Variants in BIRC6 observed in about 807,000 individuals in gnomAD.
BIRC6 encodes dual E2 ubiquitin-conjugating enzyme/E3 ubiquitin-protein ligase BIRC6.
In BIRC6, 98 loss-of-function variants were observed where a neutral mutation model predicts 503.3. The ratio of observed to expected loss-of-function variants is 0.19; its 90% confidence interval spans 0.17 to 0.23. The LOEUF (loss-of-function observed/expected upper bound fraction) is 0.23, where lower values mean the gene tolerates loss of function less well. Ranked by LOEUF, BIRC6 falls within the 10% of genes least tolerant of loss-of-function variation. The pLI, the probability that BIRC6 is intolerant of heterozygous loss-of-function variation, is 1.00. For missense variants in BIRC6, 5,360 were observed against 5,806.0 expected (o/e 0.92, Z 2.50); for synonymous variants, 2,240 against 2,078.7 (o/e 1.08, Z -2.11).
chr2:32,615,868 C>T (rs988572920), intron 73 of BIRC6, among the ~76,000 whole-genome samples: 5 of 152,078 alleles, frequency 3.3e-5, no homozygotes, highest in Non-Finnish European at 7.4e-5. Flanking sequence ...CTTTTGACCT[C>T]GTGATCTGCC....
intron 59 of BIRC6, chr2:32,527,262 T>A (rs2056352409): frequency 6.6e-6 from 1 of 152,362 alleles, no homozygotes; most frequent in Non-Finnish European, 1.5e-5. Flanking sequence ...GTGGCTTGTA[T>A]GTACTGCCCA....
intron 61 of BIRC6, 50 bp from the exon 62 acceptor site, chr2:32,543,185 TTGAATC>T (rs2057805618): frequency 2.6e-6 from 4 of 1,513,030 alleles, no homozygotes; most frequent in African/African-American, 1.4e-5. Flanking sequence ...AGTCTTTACT[TTGAATC>T]TGATGTTGAA....
At chr2:32,425,072 C>T (rs546341883) in intron 10 of BIRC6, among the ~76,000 whole-genome samples, 1 of 147,528 alleles carries the variant, frequency 6.8e-6, no homozygotes, top group East Asian at 2.0e-4. Context: ...GTAGAAATAT[C>T]TATTCATGTC....
At chr2:32,403,465 A>G (rs1045565221) in intron 8 of BIRC6, among the ~76,000 whole-genome samples, 1 of 152,198 alleles carries the variant, frequency 6.6e-6, no homozygotes, top group African/African-American at 2.4e-5. Flanking sequence ...ATTTTTTCTT[A>G]GAAGACTATA....
chr2:32,529,604 A>G, intron 59 of BIRC6, 47 bp from the exon 60 acceptor site: 2 of 1,424,416 alleles, frequency 1.4e-6, no homozygotes, highest in Non-Finnish European at 1.9e-6. Context: ...AACCAAGTAA[A>G]TGTTTCTTTC....
chr2:32,370,273 A>G (rs969996891), intron 1 of BIRC6, among the ~76,000 whole-genome samples: 1 of 151,092 alleles, frequency 6.6e-6, no homozygotes, highest in Non-Finnish European at 1.5e-5. Flanking sequence ...TGGTGATTAT[A>G]TTTTCAAAAC....
At chr2:32,359,934 A>G (rs1433132741) in intron 1 of BIRC6, among the ~76,000 whole-genome samples, 1 of 152,100 alleles carries the variant, frequency 6.6e-6, no homozygotes, top group Admixed American at 6.6e-5. Flanking sequence ...AGTTCAGATG[A>G]TTGAGGAGGG....
At chr2:32,397,853 A>C (rs1280719384) in intron 6 of BIRC6, among the ~76,000 whole-genome samples, 2 of 152,060 alleles carry the variant, frequency 1.3e-5, no homozygotes, top group Non-Finnish European at 2.9e-5. Flanking sequence ...AGTTGATTAA[A>C]ATTTCTAACT....
rs764506863 is a variant in BIRC6 at position 32,442,207 on chromosome 2, C to A, written c.4087C>A (p.His1363Asn). 7 of 1,606,598 alleles carry A rather than the reference C, an allele frequency of 4.4e-6. No homozygotes were observed. The highest frequency in any genetic ancestry group is 5.1e-6 in the Non-Finnish European group (6 of 1,177,262). Residue 1363 changes from histidine (H) to asparagine (N), a missense_variant, in exon 18 of 74, where the codon CAT becomes AAT. His to Asn is a moderately conservative substitution (Grantham distance 68). Around this residue, in one of 16 missense-constraint regions of BIRC6, gnomAD observed 2,299 missense variants for 2,267.2 expected, o/e 1.01. Transcript: ENST00000421745. ...TACTCTCTGTTGGTTAGCTGGAGTT[C>A]ATTCAAATGGACCCGGAAGGTTAAT... is the stretch of plus-strand genomic sequence containing the variant. The part of the protein sequence containing the change: ...LDTLCWLAGV[H>N]SNGPGSSKEG...
At position 32,415,413 on chromosome 2, in the gene BIRC6, T is replaced by C. The variant is rs570058415; in HGVS notation, c.2122T>C (p.Ser708Pro). The stretch of plus-strand genomic sequence containing the variant: ...CTCTCCGGATTCTGAGAAGTGGAAC[T>C]CTGTGTTTCCCAAGCCTGGGACTTT... The part of the protein sequence containing the change: ...LTSPDSEKWN[S>P]VFPKPGTLVQ... The change falls in exon 10 of 74, where the codon TCT becomes CCT. Residue 708 changes from serine (S) to proline (P), a missense_variant. Physicochemically the swap from Ser to Pro is moderately conservative, Grantham distance 74. This residue lies in a region of BIRC6 where 700 missense variants were observed against 739.3 expected (regional missense o/e 0.95). Transcript: ENST00000421745. The C allele has an allele frequency of 1.9e-6, 3 of 1,614,028 alleles. No homozygotes were observed. In the African/African-American group the frequency reaches 4.0e-5, roughly 22 times the overall value.
At chr2:32,542,903 G>T (rs2057778081) in intron 61 of BIRC6, among the ~76,000 whole-genome samples, 1 of 152,122 alleles carries the variant, frequency 6.6e-6, no homozygotes, top group East Asian at 1.9e-4. Flanking sequence ...GGGTTCAAGT[G>T]TTTCTCCTGC....
chr2:32,436,203 C>T lies in BIRC6; in HGVS notation c.3631+19C>T. On this transcript the variant is annotated intron_variant, in intron 15 of 73. Transcript: ENST00000421745. ...GTTAAAGGTGAAGTAATACATTTTA[C>T]AAAAGCAGAATTAATAATACCACAG... The T allele has an allele frequency of 7.3e-7, 1 of 1,375,352 alleles. No homozygotes were observed. Among genetic ancestry groups the T allele is most frequent in the Non-Finnish European group, 9.5e-7 (1 of 1,047,142 alleles). 85.2% of individuals were successfully genotyped at this position (1,375,352 alleles called of 1,614,324 possible). A position where few individuals can be genotyped will look rare whatever the true frequency, so the allele number is the denominator to read the frequency against.
chr2:32,569,400 G>C (rs1283021127), intron 65 of BIRC6, among the ~76,000 whole-genome samples: 1 of 151,986 alleles, frequency 6.6e-6, no homozygotes, highest in Non-Finnish European at 1.5e-5. Context: ...ACAGGGTCTT[G>C]CTCCGTCGCC....
chr2:32,617,691 G>C (rs780021233), intron 73 of BIRC6, 34 bp from the exon 74 acceptor site: 1 of 1,596,312 alleles, frequency 6.3e-7, no homozygotes, highest in South Asian at 1.1e-5. Flanking sequence ...TAGAGGGTTT[G>C]CAGTTCTAAC....
At chr2:32,369,274 A>G (rs2149230004) in intron 1 of BIRC6, among the ~76,000 whole-genome samples, 1 of 152,328 alleles carries the variant, frequency 6.6e-6, no homozygotes. Flanking sequence ...TTCAGGAGAT[A>G]TCTGGCATCT....
At chr2:32,399,377 C>T (rs1005412366) in intron 6 of BIRC6, among the ~76,000 whole-genome samples, 15 of 152,158 alleles carry the variant, frequency 9.9e-5, no homozygotes, top group Admixed American at 1.3e-4. Flanking sequence ...TGAGCCACCA[C>T]GCCCAGCCTA....
chr2:32,472,770 A>C (rs1028001239), intron 32 of BIRC6, among the ~76,000 whole-genome samples: 9 of 152,330 alleles, frequency 5.9e-5, no homozygotes, highest in African/African-American at 2.2e-4. Context: ...CTGTGTTTGA[A>C]ATAGGCAATA....
At chr2:32,550,342 G>T (rs972405051) in intron 65 of BIRC6, among the ~76,000 whole-genome samples, 3 of 152,176 alleles carry the variant, frequency 2.0e-5, no homozygotes, top group African/African-American at 7.2e-5. Context: ...AGTATTTCAA[G>T]GGATTATTGC....
At chr2:32,509,699 C>T (rs773826571) in intron 51 of BIRC6, 39 bp from the exon 52 acceptor site, 138 of 1,607,626 alleles carry the variant, frequency 8.6e-5, no homozygotes, top group Non-Finnish European at 1.1e-4. Flanking sequence ...GTGATTTGAG[C>T]GACTTATATT....
Sources: gnomAD v4.1 joint callset for allele counts (sites outside exome capture counted in the v4.1 genomes callset) on GRCh38, gnomAD v4.1.1 for gene constraint, gnomAD v4.1.1 regional missense constraint, MANE v1.5 for transcripts, NCBI Gene and HGNC (gene_info 2026-07-23, HGNC 2026-07-21) for gene names.